Variants in OIT3 observed in about 807,000 individuals in gnomAD.
OIT3 encodes oncoprotein induced transcript 3, also known as oncoprotein-induced transcript 3 protein.
Under a neutral mutation model 52.2 loss-of-function variants are expected in OIT3, and 41 were observed. The ratio of observed to expected loss-of-function variants is 0.79; its 90% CI spans 0.61 to 1.02. OIT3 has a LOEUF of 1.02. Among genes scored for constraint, OIT3 ranks in the 50% least tolerant of loss-of-function variants. The pLI is 0.00. For missense variants in OIT3, 634 were observed against 715.5 expected (o/e 0.89, Z 1.30); for synonymous variants, 244 against 276.9 (o/e 0.88, Z 1.18).
At chr10:72,899,489 G>A (rs1845908004) in intron 2 of OIT3, among the ~76,000 whole-genome samples, 1 of 151,956 alleles carries the variant, frequency 6.6e-6, no homozygotes, top group Admixed American at 6.6e-5. Context: ...CAGCTACCCG[G>A]GAGGCTGAGG....
chr10:72,899,700 AGAT>A lies in OIT3; in HGVS notation c.436+666_436+668del, dbSNP rs1464807340. Among the ~76,000 whole-genome samples the A allele has an allele frequency of 2.8e-3, 384 of 135,132 alleles. 2 individuals carry two copies. Among genetic ancestry groups the A allele is most frequent in the African/African-American group, 0.011 (364 of 34,416 alleles). The allele number at this position is 135,132 out of a possible 152,430, so 88.7% of individuals were successfully genotyped here. On this transcript the variant is annotated intron_variant, in intron 2 of 8. Coordinates refer to ENST00000334011, the MANE Select transcript of OIT3 (RefSeq NM_152635.3). ...TGGAGAACCCCTTTTTAAGATAGATAGATGATAGATAGATAGATAGATAGATAG... is the reference window on the plus strand; with the variant it reads ...TGGAGAACCCCTTTTTAAGATAGATAGATAGATAGATAGATAGATAGATAG...
chr10:72,924,229 G>A lies in OIT3; in HGVS notation c.952G>A (p.Val318Met), dbSNP rs1422806408. 1.3e-6 allele frequency: 2 copies of A among 1,589,032 alleles called. No homozygotes were observed. The highest frequency in any genetic ancestry group is 2.2e-5 in the East Asian group (1 of 44,478). The part of the protein sequence containing the change: ...SLKTCGTVVD[V>M]VNDKIVASNL... ...CTCTCCTCACCCTGGCCTGGCTCAG[G>A]TGGTGAATGACAAGATTGTGGCCAG... is the stretch of plus-strand genomic sequence containing the variant. The change falls in exon 7 of 9, where the codon GTG becomes ATG. Residue 318 changes from valine to methionine, a missense_variant and splice_region_variant. Val to Met is a conservative substitution (Grantham distance 21). Coordinates refer to ENST00000334011, the MANE Select transcript of OIT3 (RefSeq NM_152635.3).
rs61740612 is a variant in OIT3, at chr10:72,911,718, C to T, written c.669C>T (p.Asp223=). The part of the protein sequence containing the change: ...VLRSDGKTCE[D]VEGCHNNNGG... ...CTTTTCTGTTGGTTTCTACTGCAGACGTTGAAGGATGCCACAATAACAATG... is the reference window on the plus strand; with the variant it reads ...CTTTTCTGTTGGTTTCTACTGCAGATGTTGAAGGATGCCACAATAACAATG... The change falls in exon 5 of 9, where the codon GAC becomes GAT. Residue 223 remains aspartate, a splice_region_variant and synonymous_variant. Coordinates refer to ENST00000334011, the MANE Select transcript of OIT3 (RefSeq NM_152635.3). 1.5e-3 allele frequency: 2,339 copies of T among 1,612,712 alleles called. 35 individuals are homozygous for T. The African/African-American group carries it at 0.027, about 19-fold the overall frequency.
chr10:72,918,294 AT>A, intron 6 of OIT3: 1 of 776,390 alleles, frequency 1.3e-6, no homozygotes, highest in Non-Finnish European at 2.3e-6. Flanking sequence ...CTATACAGAC[AT>A]TTTCAAAGTT....
At chr10:72,916,103 C>T (rs1415192634) in intron 6 of OIT3, among the ~76,000 whole-genome samples, 1 of 152,158 alleles carries the variant, frequency 6.6e-6, no homozygotes, top group Non-Finnish European at 1.5e-5. Flanking sequence ...GCACTCATCC[C>T]TTCCTGACCA....
At chr10:72,895,947 TATTAG>T (rs1235176782) in intron 1 of OIT3, among the ~76,000 whole-genome samples, 10 of 152,146 alleles carry the variant, frequency 6.6e-5, no homozygotes, top group African/African-American at 1.9e-4. Flanking sequence ...GTGGCCAGAT[TATTAG>T]ATTGGATTGC....
Position 72,924,401 on chromosome 10 carries a change from C to T in OIT3, c.1124C>T (p.Ser375Phe), listed in dbSNP as rs1846149796. Residue 375 changes from serine (S) to phenylalanine (F), a missense_variant, in exon 7 of 9, where the codon TCC becomes TTC. Transcript: ENST00000334011. ...GGATACGTTCCCAACCTTCGAAACT[C>T]CCCACTGGAAATCATGAGCCGAAAT... ...SEGYVPNLRNSPLEIMSRNHG... is the reference protein window; with the variant it reads ...SEGYVPNLRNFPLEIMSRNHG... The T allele has an allele frequency of 4.3e-6, 7 of 1,614,096 alleles. No individual in the cohort carries two copies. The East Asian group carries it at 1.6e-4, about 36-fold the overall frequency.
In OIT3 at chr10:72,932,634, G is replaced by A. The variant is rs988632998; in HGVS notation, c.*110G>A. ...AACAGCTGGGTTCAGACTTCACACT[G>A]TGAGTTCAGACTCCCAGCACCAACT... On this transcript the variant is annotated 3_prime_UTR_variant, in exon 9 of 9. Transcript: ENST00000334011. The A allele has an allele frequency of 2.1e-6, 2 of 970,954 alleles. No homozygotes were observed. Among genetic ancestry groups the A allele is most frequent in the Non-Finnish European group, 1.5e-6 (1 of 666,996 alleles). The allele number at this position is 970,954 out of a possible 1,614,324, so 60.1% of individuals were successfully genotyped here.
At chr10:72,919,113 T>C (rs1846099936) in intron 6 of OIT3, among the ~76,000 whole-genome samples, 1 of 152,228 alleles carries the variant, frequency 6.6e-6, no homozygotes, top group African/African-American at 2.4e-5. Context: ...GTTTGTGTCA[T>C]CTCTGATTTC....
chr10:72,931,694 A>G (rs1031302856), intron 8 of OIT3, among the ~76,000 whole-genome samples: 5 of 152,246 alleles, frequency 3.3e-5, no homozygotes, highest in Non-Finnish European at 5.9e-5. Flanking sequence ...AACAATTTAC[A>G]GGCATATTAA....
chr10:72,894,732 A>C (rs1395693226), intron 1 of OIT3, among the ~76,000 whole-genome samples: 1 of 151,924 alleles, frequency 6.6e-6, no homozygotes, highest in Non-Finnish European at 1.5e-5. Flanking sequence ...ACATACACAC[A>C]AAAAAATTAG....
chr10:72,918,453 T>A (rs1355597573), intron 6 of OIT3: 3 of 893,406 alleles, frequency 3.4e-6, no homozygotes, highest in African/African-American at 1.6e-5. Flanking sequence ...AAAGTGATCA[T>A]CTTTGTCAGC....
At chr10:72,904,717 C>T (rs1352114322) in intron 3 of OIT3, among the ~76,000 whole-genome samples, 3 of 152,150 alleles carry the variant, frequency 2.0e-5, no homozygotes, top group Non-Finnish European at 4.4e-5. Flanking sequence ...CTAATTATCA[C>T]GATAATGCTC....
At chr10:72,899,140 C>A in intron 2 of OIT3, 102 bp downstream of exon 2, 1 of 994,790 alleles carries the variant, frequency 1.0e-6, no homozygotes, top group Non-Finnish European at 1.5e-6. Context: ...AACTATATCT[C>A]AATCTGAACA....
chr10:72,911,609 C>A, intron 4 of OIT3, 108 bp from the exon 5 acceptor site: 1 of 1,168,020 alleles, frequency 8.6e-7, no homozygotes, highest in Non-Finnish European at 1.2e-6. Flanking sequence ...CTAGGTTAGG[C>A]ACCAGGGATG....
intron 6 of OIT3, among the ~76,000 whole-genome samples, chr10:72,921,295 C>G (rs982982573): frequency 6.6e-6 from 1 of 152,176 alleles, no homozygotes; most frequent in Admixed American, 6.5e-5. Context: ...AATCCCTTTA[C>G]TTTGAGCCTA....
chr10:72,903,953 A>T (rs1053402780), intron 3 of OIT3, among the ~76,000 whole-genome samples: 1 of 152,184 alleles, frequency 6.6e-6, no homozygotes, highest in Non-Finnish European at 1.5e-5. Flanking sequence ...CTGCCTCCAA[A>T]AAAAGAAGAA....
At chr10:72,924,174 A>G in intron 6 of OIT3, 55 bp from the exon 7 acceptor site, 1 of 1,468,308 alleles carries the variant, frequency 6.8e-7, no homozygotes, top group Non-Finnish European at 9.2e-7. Flanking sequence ...GGGGAAAAAA[A>G]ACTGTAGAAA....
chr10:72,900,566 C>A, intron 3 of OIT3, 82 bp downstream of exon 3: 1 of 733,558 alleles, frequency 1.4e-6, no homozygotes, highest in South Asian at 1.7e-5. Context: ...AGAGCACCAT[C>A]ATTTTCCCAG....
Sources: gnomAD v4.1 joint callset for allele counts (sites outside exome capture counted in the v4.1 genomes callset) on GRCh38, gnomAD v4.1.1 for gene constraint, MANE v1.5 for transcripts, NCBI Gene and HGNC (gene_info 2026-07-23, HGNC 2026-07-21) for gene names.